TADA2A: variants seen among roughly 807,000 people sequenced by gnomAD.
The protein encoded by TADA2A is transcriptional adaptor 2A, also known as transcriptional adapter 2-alpha.
In TADA2A, 38 loss-of-function variants were observed where a neutral mutation model predicts 67.4. The ratio of observed to expected loss-of-function variants is 0.56; its 90% confidence interval spans 0.44 to 0.74. TADA2A has a LOEUF of 0.74. Among genes scored for constraint, TADA2A ranks in the 30% least tolerant of loss-of-function variants. The pLI is 0.00. For missense variants in TADA2A, 454 were observed against 547.0 expected, an observed-to-expected ratio of 0.83 and a Z score of 1.70; for synonymous variants, 192 against 181.6, an observed-to-expected ratio of 1.06 and a Z score of -0.46.
chr17:37,413,025 T>G (rs1400373946), intron 2 of TADA2A, among the ~76,000 whole-genome samples: 1 of 151,858 alleles, frequency 6.6e-6, no homozygotes, highest in Non-Finnish European at 1.5e-5. Context: ...CCTCCCGGGT[T>G]CAAGCAATTC....
intron 10 of TADA2A, 40 bp downstream of exon 10, chr17:37,462,161 C>A: frequency 7.4e-7 from 1 of 1,342,736 alleles, no homozygotes; most frequent in Non-Finnish European, 1.0e-6. Context: ...AATTTTTTTC[C>A]AATATTATTG....
Position 37,465,459 on chromosome 17 carries a change from C to G in TADA2A, c.741C>G (p.Val247=). ...QLMERRYPKE[V]QDLYETMRRF... ...TGGAACGGCGGTATCCCAAGGAGGT[C>G]CAGGACCTGTATGAAACAATGAGGC... Residue 247 remains valine (V), a synonymous_variant, in exon 11 of 16, where the codon GTC becomes GTG. Coordinates refer to ENST00000615182, the MANE Select transcript of TADA2A (RefSeq NM_001166105.3). 1 of 1,613,788 alleles carries G rather than the reference C, an allele frequency of 6.2e-7. No homozygotes were observed. Among genetic ancestry groups the G allele is most frequent in the East Asian group, 2.2e-5 (1 of 44,878 alleles).
In TADA2A at chr17:37,423,502, G is replaced by C. The variant is rs376257186; in HGVS notation, c.26-7G>C. The C allele has an allele frequency of 3.1e-6, 5 of 1,601,382 alleles. No individual in the cohort carries two copies. The highest frequency in any genetic ancestry group is 4.3e-6 in the Non-Finnish European group (5 of 1,174,434). ...TGAAATGTGCATTTGTTTTCTGTTTGTTCTAGATGATCCCTCTGATAAGCC... is the reference window on the plus strand; with the variant it reads ...TGAAATGTGCATTTGTTTTCTGTTTCTTCTAGATGATCCCTCTGATAAGCC... On this transcript the variant is annotated splice_polypyrimidine_tract_variant and splice_region_variant and intron_variant, in intron 2 of 15. Transcript: ENST00000615182.
intron 3 of TADA2A, among the ~76,000 whole-genome samples, chr17:37,425,651 G>GT (rs1027570865): frequency 1.3e-5 from 2 of 151,788 alleles, no homozygotes; most frequent in African/African-American, 2.4e-5. Context: ...ATTTCAGAGA[G>GT]TTTTTTTATT....
intron 10 of TADA2A, 90 bp from the exon 11 acceptor site, chr17:37,465,341 C>T (rs1001205534): frequency 2.1e-6 from 2 of 938,996 alleles, no homozygotes; most frequent in Middle Eastern, 2.2e-4. Flanking sequence ...AATGTTCTTC[C>T]ATTTTACTAA....
At chr17:37,414,305 C>T (rs1568128514) in intron 2 of TADA2A, among the ~76,000 whole-genome samples, 1 of 152,074 alleles carries the variant, frequency 6.6e-6, no homozygotes, top group East Asian at 1.9e-4. Flanking sequence ...CAAATTTGGC[C>T]ACTGGGAGTC....
chr17:37,444,263 A>AAG (rs1555686312), intron 7 of TADA2A, among the ~76,000 whole-genome samples: 3 of 150,776 alleles, frequency 2.0e-5, no homozygotes, highest in Non-Finnish European at 3.0e-5. Context: ...TGTTTCCAAA[A>AAG]AAAAAAAAAA....
chr17:37,427,865 T>A (rs1057236632), intron 4 of TADA2A, among the ~76,000 whole-genome samples: 3 of 151,944 alleles, frequency 2.0e-5, no homozygotes, highest in Non-Finnish European at 4.4e-5. Context: ...ACCTGTAGTC[T>A]CAGCTACTTG....
At position 37,478,012 on chromosome 17, in the gene TADA2A, GGAGGCT is replaced by G. The variant is rs201295433; in HGVS notation, c.*1036_*1041del. The G allele has an allele frequency of 0.021, 3,209 of 151,972 alleles. 54 individuals are homozygous for G. Among genetic ancestry groups the G allele is most frequent in the Non-Finnish European group, 0.032 (2,210 of 68,042 alleles). The allele number at this position is 151,972 out of a possible 1,614,324, so 9.4% of individuals were successfully genotyped here. On this transcript the variant is annotated 3_prime_UTR_variant, in exon 16 of 16. Coordinates refer to ENST00000615182, the MANE Select transcript of TADA2A (RefSeq NM_001166105.3). ...ACACGCCTGTAATCCCAGCTACTCAGGAGGCTGAGGCAGGAGAATTGCTTGAACACA... is the reference window on the plus strand; with the variant it reads ...ACACGCCTGTAATCCCAGCTACTCAGGAGGCAGGAGAATTGCTTGAACACA...
In TADA2A at chr17:37,406,967, G is replaced by C. The variant is rs1415496154; in HGVS notation, c.-98+18G>C. On this transcript the variant is annotated intron_variant, in intron 1 of 15. Coordinates refer to ENST00000615182, the MANE Select transcript of TADA2A (RefSeq NM_001166105.3). ...TCGGCGAGGTGAGGCGCCAGGCAGCGCTGGGCGGGCGGGCGGGCGGGTGGC... is the reference window on the plus strand; with the variant it reads ...TCGGCGAGGTGAGGCGCCAGGCAGCCCTGGGCGGGCGGGCGGGCGGGTGGC... 6 of 62,946 alleles carry C rather than the reference G, an allele frequency of 9.5e-5. No homozygotes were observed. Among genetic ancestry groups the C allele is most frequent in the African/African-American group, 5.0e-4 (6 of 11,964 alleles). 3.9% of individuals were successfully genotyped at this position (62,946 alleles called of 1,614,324 possible).
intron 4 of TADA2A, among the ~76,000 whole-genome samples, chr17:37,434,342 C>G (rs1264661707): frequency 6.6e-6 from 1 of 152,216 alleles, no homozygotes; most frequent in Admixed American, 6.5e-5. Flanking sequence ...CAGCCAGCCA[C>G]AAGAGATGCA....
intron 1 of TADA2A, among the ~76,000 whole-genome samples, chr17:37,408,801 A>G (rs1435524466): frequency 6.6e-6 from 1 of 152,152 alleles, no homozygotes; most frequent in Admixed American, 6.6e-5. Flanking sequence ...TCAGAGCTCA[A>G]CTTTTCCTGA....
intron 15 of TADA2A, among the ~76,000 whole-genome samples, chr17:37,475,296 C>T (rs1463095169): frequency 6.6e-6 from 1 of 151,774 alleles, no homozygotes. Flanking sequence ...CTCAGCTCCC[C>T]GAGTAGCTGG....
intron 2 of TADA2A, among the ~76,000 whole-genome samples, chr17:37,413,003 C>T (rs568563329): frequency 6.6e-6 from 1 of 152,102 alleles, no homozygotes; most frequent in Admixed American, 6.5e-5. Context: ...TCTCGGCTTA[C>T]TGCAACCTCC....
chr17:37,424,553 T>G (rs995446609), intron 3 of TADA2A, among the ~76,000 whole-genome samples: 3 of 151,852 alleles, frequency 2.0e-5, no homozygotes, highest in Non-Finnish European at 2.9e-5. Context: ...CACTGTTTTT[T>G]TTGTTGTTGT....
At chr17:37,416,723 G>A (rs1185381017) in intron 2 of TADA2A, among the ~76,000 whole-genome samples, 11 of 151,876 alleles carry the variant, frequency 7.2e-5, no homozygotes, top group Non-Finnish European at 1.6e-4. Context: ...AAATTAGCTG[G>A]GCATGGTGGC....
chr17:37,415,815 A>G (rs1297044137), intron 2 of TADA2A, among the ~76,000 whole-genome samples: 1 of 149,322 alleles, frequency 6.7e-6, no homozygotes, highest in Non-Finnish European at 1.5e-5. Context: ...CAGAGGTTGC[A>G]GTGAGCCAAG....
rs1426737320 is a variant in TADA2A at position 37,411,843 on chromosome 17, CAAAAT to C, written c.25+459_25+463del. ...CTGATTCTAAGGGAATTATGAGTATCAAAATAAAATCAATTAATACATATTGATTA... is the reference window on the plus strand; with the variant it reads ...CTGATTCTAAGGGAATTATGAGTATCAAAATCAATTAATACATATTGATTA... On this transcript the variant is annotated intron_variant, in intron 2 of 15. Coordinates refer to ENST00000615182, the MANE Select transcript of TADA2A (RefSeq NM_001166105.3). Among the ~76,000 whole-genome samples, 5 of 143,896 alleles carry C rather than the reference CAAAAT, an allele frequency of 3.5e-5. No individual in the cohort carries two copies. The East Asian group carries it at 6.0e-4, about 17-fold the overall frequency. 94.4% of individuals were successfully genotyped at this position (143,896 alleles called of 152,430 possible). A position where few individuals can be genotyped will look rare whatever the true frequency, so the allele number is the denominator to read the frequency against.
chr17:37,421,752 A>G lies in TADA2A; in HGVS notation c.26-1757A>G, dbSNP rs573597077. Reference sequence around the variant, plus strand: ...GGCTGCATTGAGGCATGATCGTGCAACCACACTTCAGCCTAGGTGACAGAG... The same window carrying G: ...GGCTGCATTGAGGCATGATCGTGCAGCCACACTTCAGCCTAGGTGACAGAG... On this transcript the variant is annotated intron_variant, in intron 2 of 15. Coordinates refer to ENST00000615182, the MANE Select transcript of TADA2A (RefSeq NM_001166105.3). Among the ~76,000 whole-genome samples, 8 of 147,122 alleles carry G rather than the reference A, an allele frequency of 5.4e-5. 2 individuals carry two copies. The highest frequency in any genetic ancestry group is 2.0e-4 in the African/African-American group (8 of 40,704).
Sources: gnomAD v4.1 joint callset for allele counts (sites outside exome capture counted in the v4.1 genomes callset) on GRCh38, gnomAD v4.1.1 for gene constraint, MANE v1.5 for transcripts, NCBI Gene and HGNC (gene_info 2026-07-23, HGNC 2026-07-21) for gene names.